CTNND2: variants seen among roughly 807,000 people sequenced by gnomAD.
The protein encoded by CTNND2 is catenin delta-2.
Under a neutral mutation model 144.4 loss-of-function variants are expected in CTNND2, and 22 were observed. That is an observed-to-expected ratio of 0.15 (90% CI 0.11 to 0.22). The LOEUF (loss-of-function observed/expected upper bound fraction) is 0.22, where lower values mean the gene tolerates loss of function less well. Ranked by LOEUF, CTNND2 falls within the 10% of genes least tolerant of loss-of-function variation. CTNND2 has a pLI of 1.00. For missense variants in CTNND2, 1,353 were observed against 1,618.8 expected, an observed-to-expected ratio of 0.84 and a Z score of 2.82; for synonymous variants, 751 against 695.6, an observed-to-expected ratio of 1.08 and a Z score of -1.25.
chr5:11,050,985 C>A (rs944352159), intron 16 of CTNND2, among the ~76,000 whole-genome samples: 1 of 152,226 alleles, frequency 6.6e-6, no homozygotes, highest in Non-Finnish European at 1.5e-5. Flanking sequence ...GCCTTTAAGT[C>A]TCTGCCAAAA....
chr5:11,634,166 T>C lies in CTNND2; in HGVS notation c.175-69110A>G, dbSNP rs192281561. 5.9e-5 allele frequency among the ~76,000 whole-genome samples: 9 copies of C among 152,298 alleles called. 1 individual carries two copies. The highest frequency in any genetic ancestry group is 2.2e-4 in the African/African-American group (9 of 41,578). On this transcript the variant is annotated intron_variant, in intron 2 of 21. Coordinates refer to ENST00000304623, the MANE Select transcript of CTNND2 (RefSeq NM_001332.4). ...TCTTCTCTACATTCAACCGACTATATACTCATCAGAAAGAGAGAACTTTAC... is the reference window on the plus strand; with the variant it reads ...TCTTCTCTACATTCAACCGACTATACACTCATCAGAAAGAGAGAACTTTAC...
intron 11 of CTNND2, among the ~76,000 whole-genome samples, chr5:11,166,836 G>T (rs12716080): frequency 0.4 from 60,054 of 151,840 alleles, 12,258 homozygotes; most frequent in East Asian, 0.73. Context: ...GGCTGCTAAT[G>T]GAGATCATTT....
intron 7 of CTNND2, among the ~76,000 whole-genome samples, chr5:11,376,243 G>A (rs1757920819): frequency 6.6e-6 from 1 of 151,580 alleles, no homozygotes; most frequent in Admixed American, 6.6e-5. Context: ...CACTGACTCA[G>A]CCATGGAAAA....
intron 9 of CTNND2, among the ~76,000 whole-genome samples, chr5:11,299,657 T>C (rs1467378248): frequency 6.6e-6 from 1 of 152,158 alleles, no homozygotes; most frequent in African/African-American, 2.4e-5. Flanking sequence ...AGAATGGCCA[T>C]GTTATTCCTC....
intron 9 of CTNND2, among the ~76,000 whole-genome samples, chr5:11,262,749 A>G (rs26455): frequency 0.16 from 18,951 of 116,182 alleles, 1,657 homozygotes; most frequent in African/African-American, 0.23. Context: ...GTGACAGAGT[A>G]AGACTCTGTC....
At chr5:11,742,046 G>A (rs983574269) in intron 1 of CTNND2, among the ~76,000 whole-genome samples, 1 of 151,574 alleles carries the variant, frequency 6.6e-6, no homozygotes, top group African/African-American at 2.4e-5. Flanking sequence ...TTGGGGACTC[G>A]GGGGGAAAGG....
chr5:11,418,881 A>G (rs1762113621), intron 3 of CTNND2, among the ~76,000 whole-genome samples: 1 of 152,096 alleles, frequency 6.6e-6, no homozygotes, highest in Non-Finnish European at 1.5e-5. Context: ...CAGAGAAAAA[A>G]ATGGAAGTTG....
chr5:11,657,079 G>A (rs756182843), intron 2 of CTNND2, among the ~76,000 whole-genome samples: 1 of 152,074 alleles, frequency 6.6e-6, no homozygotes, highest in Non-Finnish European at 1.5e-5. Flanking sequence ...AAGCACAGAA[G>A]GCAATCGTGA....
In CTNND2 at chr5:11,321,969, A is replaced by G. The variant is rs887812931; in HGVS notation, c.1628+24403T>C. Among the ~76,000 whole-genome samples the G allele has an allele frequency of 2.6e-5, 4 of 152,154 alleles. No individual in the cohort carries two copies. In the South Asian group the frequency reaches 8.3e-4, roughly 32 times the overall value. On this transcript the variant is annotated intron_variant, in intron 9 of 21. Coordinates refer to ENST00000304623, the MANE Select transcript of CTNND2 (RefSeq NM_001332.4). ...TTACCTCCCAGGTCCAAGCCCCCAG[A>G]AAAATGGAAAGCCCTGGGGAGCTCT...
chr5:11,288,743 T>C (rs114597791), intron 9 of CTNND2, among the ~76,000 whole-genome samples: 2 of 151,716 alleles, frequency 1.3e-5, no homozygotes, highest in Non-Finnish European at 2.9e-5. Context: ...ATGGGATTTA[T>C]GTCACAAGGA....
At chr5:11,697,702 A>C (rs1419050112) in intron 2 of CTNND2, among the ~76,000 whole-genome samples, 1 of 152,154 alleles carries the variant, frequency 6.6e-6, no homozygotes, top group Non-Finnish European at 1.5e-5. Context: ...TTGGGTTTTA[A>C]CCCCAGCAGT....
At chr5:11,185,528 C>A (rs990259881) in intron 11 of CTNND2, among the ~76,000 whole-genome samples, 2 of 152,224 alleles carry the variant, frequency 1.3e-5, no homozygotes, top group Non-Finnish European at 2.9e-5. Context: ...CACAGAGATT[C>A]TTCTTCTGGG....
chr5:11,103,070 C>T lies in CTNND2; in HGVS notation c.2464-4322G>A, dbSNP rs186848592. ...AATCTTGGCTCACTGCAACCTCTGC[C>T]TCCTGGGTTGGAGCAATTCTCCTGC... On this transcript the variant is annotated intron_variant, in intron 14 of 21. Transcript: ENST00000304623. Among the ~76,000 whole-genome samples the T allele has an allele frequency of 5.4e-5, 8 of 146,888 alleles. No individual in the cohort carries two copies. In the Admixed American group the frequency reaches 5.5e-4, roughly 10 times the overall value.
At chr5:11,398,354 A>T (rs572706676) in intron 5 of CTNND2, among the ~76,000 whole-genome samples, 1 of 152,278 alleles carries the variant, frequency 6.6e-6, no homozygotes, top group Admixed American at 6.5e-5. Flanking sequence ...CATGATGTGG[A>T]TCACCTTTCA....
intron 1 of CTNND2, among the ~76,000 whole-genome samples, chr5:11,751,425 C>A (rs898230445): frequency 6.6e-6 from 1 of 151,752 alleles, no homozygotes; most frequent in Non-Finnish European, 1.5e-5. Context: ...TCTGTTGTTC[C>A]CTTCTTTGTG....
At position 11,231,063 on chromosome 5, in the gene CTNND2, T is replaced by C. The variant is rs529205213; in HGVS notation, c.1761+5628A>G. 6.0e-4 allele frequency among the ~76,000 whole-genome samples: 91 copies of C among 152,200 alleles called. 1 individual carries two copies. The South Asian group carries it at 0.018, about 31-fold the overall frequency. On this transcript the variant is annotated intron_variant, in intron 10 of 21. Coordinates refer to ENST00000304623, the MANE Select transcript of CTNND2 (RefSeq NM_001332.4). ...CAGACCATGGGGGTGGTTTCCTCCA[T>C]GGTGTTCTCGTGATAATGAGTGAGT... is the stretch of plus-strand genomic sequence containing the variant.
intron 7 of CTNND2, among the ~76,000 whole-genome samples, chr5:11,382,257 T>C (rs953427302): frequency 2.6e-5 from 4 of 152,204 alleles, no homozygotes; most frequent in South Asian, 2.1e-4. Flanking sequence ...TGATTTCTTA[T>C]CCCTAGGATC....
At chr5:11,702,374 T>C (rs1785482839) in intron 2 of CTNND2, among the ~76,000 whole-genome samples, 1 of 152,192 alleles carries the variant, frequency 6.6e-6, no homozygotes, top group South Asian at 2.1e-4. Context: ...CATGTACATG[T>C]TAGTTTTCCC....
At chr5:11,447,565 T>C (rs1014512856) in intron 3 of CTNND2, among the ~76,000 whole-genome samples, 2 of 152,256 alleles carry the variant, frequency 1.3e-5, no homozygotes, top group Non-Finnish European at 2.9e-5. Context: ...CAATCAACAA[T>C]AGACACCAGC....
Sources: allele counts gnomAD v4.1 joint callset (sites outside exome capture counted in the v4.1 genomes callset), GRCh38; gene constraint gnomAD v4.1.1; transcripts MANE v1.5; gene names NCBI Gene and HGNC (gene_info 2026-07-23, HGNC 2026-07-21).